ZNF106: variants seen among roughly 807,000 people sequenced by gnomAD.
The protein encoded by ZNF106 is zinc finger protein 106, also known as SH3-domain binding protein 3.
ZNF106 carries 67 observed loss-of-function variants against 195.1 expected under a neutral mutation model. The ratio of observed to expected loss-of-function variants is 0.34; its 90% CI spans 0.28 to 0.42. The LOEUF (loss-of-function observed/expected upper bound fraction) is 0.42. Ranked by LOEUF, ZNF106 falls within the 10% of genes least tolerant of loss-of-function variation. The pLI, the probability that ZNF106 is intolerant of heterozygous loss-of-function variation, is 1.00. For missense variants in ZNF106, 2,118 were observed against 2,304.5 expected (o/e 0.92, Z 1.66); for synonymous variants, 784 against 818.6 (o/e 0.96, Z 0.72).
chr15:42,484,706 C>T (rs544890702), intron 1 of ZNF106, among the ~76,000 whole-genome samples: 1 of 151,716 alleles, frequency 6.6e-6, no homozygotes, highest in Non-Finnish European at 1.5e-5. Flanking sequence ...CCACTGTACT[C>T]CAGCCTGGGT....
At chr15:42,457,258 G>C (rs2056260403) in intron 3 of ZNF106, 100 bp from the exon 4 acceptor site, 1 of 1,563,534 alleles carries the variant, frequency 6.4e-7, no homozygotes, top group Non-Finnish European at 8.7e-7. Context: ...TGCACACTTT[G>C]GCACAGTGAA....
intron 20 of ZNF106, among the ~76,000 whole-genome samples, chr15:42,419,029 C>T (rs2054557476): frequency 7.0e-6 from 1 of 143,732 alleles, no homozygotes; most frequent in African/African-American, 2.6e-5. Context: ...AGCTCGAGAC[C>T]AGCCTGGGCA....
chr15:42,430,676 C>T (rs2055018231), intron 14 of ZNF106, among the ~76,000 whole-genome samples: 1 of 152,044 alleles, frequency 6.6e-6, no homozygotes, highest in African/African-American at 2.4e-5. Flanking sequence ...TGAACCACTG[C>T]ACCTGGCTAT....
At chr15:42,472,466 T>C in intron 1 of ZNF106, 145 bp from the exon 2 acceptor site, 2 of 600,286 alleles carry the variant, frequency 3.3e-6, no homozygotes, top group Non-Finnish European at 5.7e-6. Flanking sequence ...GTGCATAGGG[T>C]AAACATTTTG....
At chr15:42,469,747 A>G (rs1402908005) in intron 2 of ZNF106, among the ~76,000 whole-genome samples, 2 of 151,994 alleles carry the variant, frequency 1.3e-5, no homozygotes, top group Non-Finnish European at 2.9e-5. Context: ...CTGAGACGGG[A>G]GCATCACCTG....
chr15:42,461,637 C>A (rs1467513394), intron 3 of ZNF106, among the ~76,000 whole-genome samples: 2 of 152,354 alleles, frequency 1.3e-5, no homozygotes, highest in East Asian at 3.9e-4. Flanking sequence ...AGCCATGAAC[C>A]AAGTAAGACC....
chr15:42,417,372 G>T lies in ZNF106; in HGVS notation c.5665-12C>A, dbSNP rs1219161985. The T allele has an allele frequency of 4.3e-6, 7 of 1,613,686 alleles. No individual in the cohort carries two copies. Among genetic ancestry groups the T allele is most frequent in the Non-Finnish European group, 5.1e-6 (6 of 1,179,844 alleles). ...TGTCCTGCAGCATCCTAGGAATGAA[G>T]GGAAAAGGGCCCATGAGAGAGAAGT... On this transcript the variant is annotated splice_polypyrimidine_tract_variant and intron_variant, in intron 21 of 21. Coordinates refer to ENST00000564754, the MANE Select transcript of ZNF106 (RefSeq NM_001366845.3).
intron 7 of ZNF106, among the ~76,000 whole-genome samples, chr15:42,445,962 A>G (rs1305331010): frequency 6.6e-6 from 1 of 152,188 alleles, no homozygotes; most frequent in Admixed American, 6.5e-5. Context: ...GGCAGCGGGG[A>G]AGCAACCAAG....
At chr15:42,471,873 G>A (rs1413602451) in intron 2 of ZNF106, among the ~76,000 whole-genome samples, 1 of 152,164 alleles carries the variant, frequency 6.6e-6, no homozygotes, top group Non-Finnish European at 1.5e-5. Flanking sequence ...TATATCCTTA[G>A]CTAATCAAAA....
chr15:42,427,928 G>A (rs573253649), intron 15 of ZNF106, 90 bp downstream of exon 15: 26 of 1,087,858 alleles, frequency 2.4e-5, no homozygotes, highest in African/African-American at 2.2e-4. Flanking sequence ...GAAGAAAATA[G>A]GAAAATCCCT....
At chr15:42,472,384 A>G in intron 1 of ZNF106, 63 bp from the exon 2 acceptor site, 1 of 1,256,338 alleles carries the variant, frequency 8.0e-7, no homozygotes, top group South Asian at 1.4e-5. Flanking sequence ...ATTCATCTTC[A>G]CATAACCAAA....
chr15:42,477,494 C>T (rs1045305354), intron 1 of ZNF106, among the ~76,000 whole-genome samples: 1 of 152,176 alleles, frequency 6.6e-6, no homozygotes, highest in Non-Finnish European at 1.5e-5. Flanking sequence ...CAGTAGCTCA[C>T]GTCTGTAATC....
intron 1 of ZNF106, among the ~76,000 whole-genome samples, chr15:42,475,177 G>A (rs767876481): frequency 4.6e-5 from 7 of 152,216 alleles, no homozygotes; most frequent in Non-Finnish European, 7.3e-5. Flanking sequence ...TTCAGGCCAG[G>A]CATGGTGGCT....
intron 1 of ZNF106, among the ~76,000 whole-genome samples, chr15:42,480,719 T>C (rs1201971791): frequency 1.3e-5 from 2 of 152,216 alleles, no homozygotes; most frequent in African/African-American, 4.8e-5. Context: ...GCTTGGTGGC[T>C]CACGCCTGAA....
At chr15:42,476,716 C>G (rs918114253) in intron 1 of ZNF106, among the ~76,000 whole-genome samples, 1 of 151,688 alleles carries the variant, frequency 6.6e-6, no homozygotes, top group Non-Finnish European at 1.5e-5. Flanking sequence ...CTGAGTACAC[C>G]GAGGAGGAAG....
At chr15:42,425,231 AACGCTT>A (rs1245649170) in intron 15 of ZNF106, among the ~76,000 whole-genome samples, 1 of 152,174 alleles carries the variant, frequency 6.6e-6, no homozygotes, top group African/African-American at 2.4e-5. Flanking sequence ...GAGGAGGGCA[AACGCTT>A]ACATTATAAA....
In ZNF106 at chr15:42,468,138, C is replaced by T. The variant is rs534779752; in HGVS notation, c.55-2024G>A. On this transcript the variant is annotated intron_variant, in intron 2 of 21. Transcript: ENST00000564754. Reference sequence around the variant, plus strand: ...TCGCCCAGCCTGGAGAGCAGCGGCTCGATCTCGGCTCACGACAACCTCTGC... The same window carrying T: ...TCGCCCAGCCTGGAGAGCAGCGGCTTGATCTCGGCTCACGACAACCTCTGC... Among the ~76,000 whole-genome samples, 21 of 143,686 alleles carry T rather than the reference C, an allele frequency of 1.5e-4. 1 individual carries two copies. In the South Asian group the frequency reaches 4.6e-3, roughly 32 times the overall value. The allele number at this position is 143,686 out of a possible 152,430, so 94.3% of individuals were successfully genotyped here.
In ZNF106 at chr15:42,440,855, C is replaced by T. The variant is rs945194621; in HGVS notation, c.3764-1042G>A. Among the ~76,000 whole-genome samples the T allele has an allele frequency of 4.7e-5, 7 of 148,660 alleles. No individual in the cohort carries two copies. The South Asian group carries it at 6.5e-4, about 14-fold the overall frequency. On this transcript the variant is annotated intron_variant, in intron 10 of 21. Coordinates refer to ENST00000564754, the MANE Select transcript of ZNF106 (RefSeq NM_001366845.3). ...TAAATTAGCTGGGCATGGTGGTGGG[C>T]GCCTGTAATCCCAGCTATTCGGGAG...
Position 42,427,986 on chromosome 15 carries a change from G to A in ZNF106, c.4998+32C>T, listed in dbSNP as rs1374075834. On this transcript the variant is annotated intron_variant, in intron 15 of 21. Coordinates refer to ENST00000564754, the MANE Select transcript of ZNF106 (RefSeq NM_001366845.3). ...TGCTCACACTGTTTTCAAGTGCATG[G>A]GAAGTAAGCCTTTTCTCCTCCAACC... 1.9e-6 allele frequency: 3 copies of A among 1,565,958 alleles called. No homozygotes were observed. In the African/African-American group the frequency reaches 4.1e-5, roughly 21 times the overall value.
Sources: allele counts gnomAD v4.1 joint callset (sites outside exome capture counted in the v4.1 genomes callset), GRCh38; gene constraint gnomAD v4.1.1; transcripts MANE v1.5; gene names NCBI Gene and HGNC (gene_info 2026-07-23, HGNC 2026-07-21).